Variants in TSPAN4 observed in about 807,000 individuals in gnomAD.
The protein encoded by TSPAN4 is tetraspanin-4.
A neutral mutation model predicts 31.5 loss-of-function variants in TSPAN4; 38 were observed. The ratio of observed to expected loss-of-function variants is 1.21; its 90% CI spans 0.93 to 1.58. TSPAN4 has a LOEUF of 1.58. TSPAN4 is among the 40% of genes most tolerant of loss of function. The probability of loss-of-function intolerance (pLI) is 0.00; values close to 1 mark genes in which losing one functional copy is unlikely to be tolerated. For synonymous variants in TSPAN4, 186 were observed against 144.6 expected (o/e 1.29, Z -2.06); for missense variants, 330 against 317.3 (o/e 1.04, Z -0.30).
At chr11:857,434 A>T (rs1311703114) in intron 3 of TSPAN4, 1 of 110,546 alleles carries the variant, frequency 9.0e-6, no homozygotes, top group African/African-American at 3.6e-5. Flanking sequence ...ACGGAGTCTC[A>T]CTCTGTCGCC....
At chr11:853,602 G>A (rs775896624) in intron 3 of TSPAN4, among the ~76,000 whole-genome samples, 58 of 152,238 alleles carry the variant, frequency 3.8e-4, no homozygotes, top group South Asian at 6.2e-4. Flanking sequence ...GGAGTGGGGA[G>A]GGTTCCTGGG....
intron 2 of TSPAN4, among the ~76,000 whole-genome samples, chr11:847,512 G>A (rs1018837282): frequency 4.6e-5 from 7 of 152,130 alleles, no homozygotes; most frequent in Non-Finnish European, 1.0e-4. Context: ...CCCCGACTGA[G>A]CTCTGACACT....
intron 3 of TSPAN4, among the ~76,000 whole-genome samples, chr11:855,445 G>A (rs1847994194): frequency 6.6e-6 from 1 of 152,236 alleles, no homozygotes; most frequent in African/African-American, 2.4e-5. Flanking sequence ...CTGGATTCCT[G>A]TGCCTCCAGC....
chr11:861,151 G>A (rs554240940), intron 3 of TSPAN4, among the ~76,000 whole-genome samples: 17 of 152,236 alleles, frequency 1.1e-4, no homozygotes, highest in African/African-American at 1.4e-4. Context: ...GCACCCCCTC[G>A]TCTCCCCCTG....
intron 1 of TSPAN4, among the ~76,000 whole-genome samples, chr11:846,312 T>TGGG (rs1847321507): frequency 6.6e-6 from 1 of 152,218 alleles, no homozygotes; most frequent in African/African-American, 2.4e-5. Flanking sequence ...TGGACCTCCG[T>TGGG]CTGGCCTTGT....
At chr11:864,750 C>T in intron 5 of TSPAN4, 1 of 590,082 alleles carries the variant, frequency 1.7e-6, no homozygotes, top group Non-Finnish European at 3.0e-6. Flanking sequence ...GGAGGGTGCG[C>T]CCCAGGTTGT....
intron 5 of TSPAN4, 32 bp downstream of exon 5, chr11:864,543 A>G: frequency 6.2e-7 from 1 of 1,609,264 alleles, no homozygotes; most frequent in Non-Finnish European, 8.5e-7. Context: ...GCCCAACTGC[A>G]GGGCTGGGGG....
intron 1 of TSPAN4, 51 bp downstream of exon 1, chr11:842,966 A>T (rs905913589): frequency 3.3e-5 from 5 of 152,346 alleles, no homozygotes; most frequent in African/African-American, 1.2e-4. Context: ...CCGTGGCCGG[A>T]GGTGTCCGAC....
At position 864,482 on chromosome 11, in the gene TSPAN4, G is replaced by A. The variant is rs200336747; in HGVS notation, c.301G>A (p.Ala101Thr). The A allele has an allele frequency of 2.2e-5, 35 of 1,612,692 alleles. No individual in the cohort carries two copies. In the Admixed American group the frequency reaches 2.3e-4, roughly 11 times the overall value. ...LLVFLLEATI[A>T]ILFFAYTDKI... ...GGTGTTCCTGCTGGAGGCCACCATCGCCATCCTCTTCTTCGCCTACACGGA... is the reference window on the plus strand; with the variant it reads ...GGTGTTCCTGCTGGAGGCCACCATCACCATCCTCTTCTTCGCCTACACGGA... The change falls in exon 5 of 9, where the codon GCC (alanine) becomes ACC (threonine). Residue 101 changes from alanine (A) to threonine (T), a missense_variant. Physicochemically the swap from Ala to Thr is moderately conservative, Grantham distance 58. Transcript: ENST00000397397.
chr11:862,676 G>A lies in TSPAN4; in HGVS notation c.190G>A (p.Val64Ile), dbSNP rs777363769. 9 of 1,613,324 alleles carry A rather than the reference G, an allele frequency of 5.6e-6. No individual in the cohort carries two copies. The highest frequency in any genetic ancestry group is 3.4e-6 in the Non-Finnish European group (4 of 1,179,862). The change falls in exon 4 of 9, where the codon GTC (valine) becomes ATC (isoleucine). Residue 64 changes from valine to isoleucine, a missense_variant. Val to Ile is a conservative substitution (Grantham distance 29, BLOSUM62 3). Transcript: ENST00000397397. ...ANLLIITGAFVMAIGFVGCLG... is the reference protein window; with the variant it reads ...ANLLIITGAFIMAIGFVGCLG... ...CTTGCTCATCATCACCGGCGCCTTT[G>A]TCATGGCCATCGGCTTCGTGGGCTG... is the stretch of plus-strand genomic sequence containing the variant.
chr11:850,720 T>G (rs933769297), intron 3 of TSPAN4, among the ~76,000 whole-genome samples: 10 of 152,028 alleles, frequency 6.6e-5, no homozygotes, highest in African/African-American at 2.4e-4. Flanking sequence ...GGGGTTCGAG[T>G]CCGGGTCGTG....
At chr11:862,519 T>C (rs1001167936) in intron 3 of TSPAN4, 31 bp from the exon 4 acceptor site, 3 of 1,571,584 alleles carry the variant, frequency 1.9e-6, no homozygotes, top group Non-Finnish European at 2.6e-6. Flanking sequence ...GGCCTCACCC[T>C]GTCTGTGTCT....
rs1283607037 is a variant in TSPAN4 at position 865,697 on chromosome 11, C to T, written c.436C>T (p.Arg146Cys). Residue 146 changes from arginine to cysteine, a missense_variant, in exon 7 of 9, where the codon CGC becomes TGC. Transcript: ENST00000397397. ...NAWSIIQTDFRCCGVSNYTDW... is the reference protein window; with the variant it reads ...NAWSIIQTDFCCCGVSNYTDW... ...CCGACCTGAGCTTGCCCCCCAGTTCCGCTGCTGTGGCGTCTCCAACTACAC... is the reference window on the plus strand; with the variant it reads ...CCGACCTGAGCTTGCCCCCCAGTTCTGCTGCTGTGGCGTCTCCAACTACAC... 8.1e-6 allele frequency: 13 copies of T among 1,613,190 alleles called. No individual in the cohort carries two copies. The highest frequency in any genetic ancestry group is 1.6e-4 in the Middle Eastern group (1 of 6,084).
chr11:857,084 T>C (rs933859340), intron 3 of TSPAN4: 2 of 152,094 alleles, frequency 1.3e-5, no homozygotes, highest in African/African-American at 4.8e-5. Context: ...CTGGTGACAG[T>C]GGGTGTCTCT....
Position 851,962 on chromosome 11 carries a change from G to T in TSPAN4, c.63+1595G>T, listed in dbSNP as rs553366450. ...GGTCTCTCTGCTCTGAGAGCAGCCC[G>T]CCCTCATGGAGGACCCCCAGGTGGA... is the stretch of plus-strand genomic sequence containing the variant. On this transcript the variant is annotated intron_variant, in intron 3 of 8. Coordinates refer to ENST00000397397, the MANE Select transcript of TSPAN4 (RefSeq NM_003271.5). Among the ~76,000 whole-genome samples, 6 of 115,244 alleles carry T rather than the reference G, an allele frequency of 5.2e-5. No homozygotes were observed. The South Asian group carries it at 1.8e-3, about 35-fold the overall frequency. The allele number at this position is 115,244 out of a possible 152,430, so 75.6% of individuals were successfully genotyped here. A position where few individuals can be genotyped will look rare whatever the true frequency, so the allele number is the denominator to read the frequency against.
At chr11:866,433 T>C in intron 8 of TSPAN4, 129 bp from the exon 9 acceptor site, 1 of 752,404 alleles carries the variant, frequency 1.3e-6, no homozygotes, top group Non-Finnish European at 2.1e-6. Context: ...GCTGAAGGGC[T>C]CTGCCACTGT....
intron 3 of TSPAN4, among the ~76,000 whole-genome samples, chr11:859,136 C>T (rs1848259845): frequency 7.4e-6 from 1 of 135,448 alleles, no homozygotes. Flanking sequence ...ACACGCACCC[C>T]TGGGCTCACA....
At position 865,733 on chromosome 11, in the gene TSPAN4, G is replaced by GA. The variant is rs1565149550; in HGVS notation, c.473dup (p.Val159GlyfsTer9). ...CGTCTCCAACTACACTGACTGGTTC[G>GA]AGGTGTACAACGCCACGCGGGTACC... On this transcript the variant is annotated frameshift_variant, in exon 7 of 9. Transcript: ENST00000397397. LOFTEE classifies it high-confidence loss of function. The GA allele has an allele frequency of 2.5e-6, 4 of 1,613,452 alleles. No homozygotes were observed. The South Asian group carries it at 4.4e-5, about 18-fold the overall frequency.
At chr11:847,534 G>A (rs1190858913) in intron 2 of TSPAN4, among the ~76,000 whole-genome samples, 1 of 152,060 alleles carries the variant, frequency 6.6e-6, no homozygotes, top group Non-Finnish European at 1.5e-5. Context: ...TGCCTTGCCC[G>A]GGCCCCTGAC....
Sources: gnomAD v4.1 joint callset for allele counts (sites outside exome capture counted in the v4.1 genomes callset) on GRCh38, gnomAD v4.1.1 for gene constraint, MANE v1.5 for transcripts, NCBI Gene and HGNC (gene_info 2026-07-23, HGNC 2026-07-21) for gene names.